PPP4R1: variants seen among roughly 807,000 people sequenced by gnomAD.
PPP4R1 encodes protein phosphatase 4 regulatory subunit 1.
Under a neutral mutation model 111.2 loss-of-function variants are expected in PPP4R1, and 42 were observed. The observed-to-expected ratio is 0.38, with a 90% confidence interval of 0.29 to 0.49. The LOEUF is 0.49. Among genes scored for constraint, PPP4R1 ranks in the 20% least tolerant of loss-of-function variants. PPP4R1 has a pLI of 0.97. For synonymous variants in PPP4R1, 409 were observed against 405.5 expected, an observed-to-expected ratio of 1.01 and a Z score of -0.10; for missense variants, 1,012 against 1,161.6, an observed-to-expected ratio of 0.87 and a Z score of 1.87.
At chr18:9,564,707 T>TGTGTGG (rs1425658968) in intron 11 of PPP4R1, among the ~76,000 whole-genome samples, 1 of 49,884 alleles carries the variant, frequency 2.0e-5, no homozygotes, top group Non-Finnish European at 4.5e-5. Flanking sequence ...GGTGTGTGTG[T>TGTGTGG]GTGTGTGTGT....
intron 13 of PPP4R1, 81 bp downstream of exon 13, chr18:9,561,899 G>C: frequency 8.8e-7 from 1 of 1,135,694 alleles, no homozygotes; most frequent in Admixed American, 1.8e-5. Context: ...TCATAAAGAA[G>C]GGGCAAATTA....
At chr18:9,590,218 T>C (rs1568117087) in intron 4 of PPP4R1, 1 of 152,214 alleles carries the variant, frequency 6.6e-6, no homozygotes, top group East Asian at 1.9e-4. Flanking sequence ...TCTACTAGGA[T>C]TTCAGATATC....
At chr18:9,560,007 A>G (rs2066647364) in intron 13 of PPP4R1, among the ~76,000 whole-genome samples, 1 of 152,176 alleles carries the variant, frequency 6.6e-6, no homozygotes, top group South Asian at 2.1e-4. Context: ...AAAAAAACAA[A>G]AACCAGCCAG....
intron 2 of PPP4R1, among the ~76,000 whole-genome samples, chr18:9,611,270 G>A (rs1395591439): frequency 6.6e-6 from 1 of 152,126 alleles, no homozygotes; most frequent in African/African-American, 2.4e-5. Flanking sequence ...CAACTACTCT[G>A]GAGGTTGGGC....
intron 14 of PPP4R1, among the ~76,000 whole-genome samples, chr18:9,558,957 C>T (rs1052982665): frequency 6.6e-6 from 1 of 152,126 alleles, no homozygotes; most frequent in Non-Finnish European, 1.5e-5. Flanking sequence ...CGGAACTTCT[C>T]CTGTCTGTAC....
intron 6 of PPP4R1, chr18:9,587,607 T>C (rs1295561592): frequency 2.0e-5 from 3 of 152,468 alleles, no homozygotes; most frequent in Admixed American, 6.5e-5. Flanking sequence ...GGTTTTGCCA[T>C]GTTGGCCAGG....
chr18:9,557,356 G>C lies in PPP4R1; in HGVS notation c.2055C>G (p.Phe685Leu). 4 of 1,603,468 alleles carry C rather than the reference G, an allele frequency of 2.5e-6. No individual in the cohort carries two copies. Among genetic ancestry groups the C allele is most frequent in the Non-Finnish European group, 3.4e-6 (4 of 1,177,476 alleles). The part of the protein sequence containing the change: ...MQWKVRRTLA[F>L]SIHELAVILG... The stretch of plus-strand genomic sequence containing the variant: ...GAATAACTGCAAGCTCGTGGATGGA[G>C]AATGCTAGAGTTCGTCGAACTTTCC... The change falls in exon 15 of 20, where the codon TTC becomes TTG. Residue 685 changes from phenylalanine (F) to leucine (L), a missense_variant. Physicochemically the swap from Phe to Leu is conservative, Grantham distance 22 (BLOSUM62 0). Around this residue, in one of 2 missense-constraint regions of PPP4R1, gnomAD observed 305 missense variants for 419.5 expected, o/e 0.73. Transcript: ENST00000400556.
chr18:9,588,269 T>C (rs1443491925), intron 5 of PPP4R1, 34 bp from the exon 6 acceptor site: 4 of 1,592,814 alleles, frequency 2.5e-6, no homozygotes, highest in East Asian at 2.2e-5. Context: ...AGAAAGTACA[T>C]ATGCAACATG....
chr18:9,566,867 T>C (rs1267308066), intron 11 of PPP4R1, among the ~76,000 whole-genome samples: 1 of 152,106 alleles, frequency 6.6e-6, no homozygotes, highest in Non-Finnish European at 1.5e-5. Flanking sequence ...CTTAGAAAAA[T>C]ATTCCTTTCA....
At chr18:9,602,124 C>T (rs996317818) in intron 2 of PPP4R1, among the ~76,000 whole-genome samples, 1 of 152,154 alleles carries the variant, frequency 6.6e-6, no homozygotes, top group African/African-American at 2.4e-5. Flanking sequence ...GAAGTATCCT[C>T]TCTCTATACT....
chr18:9,563,233 A>T, intron 12 of PPP4R1, 145 bp downstream of exon 12: 1 of 1,248,192 alleles, frequency 8.0e-7, no homozygotes, highest in South Asian at 1.6e-5. Context: ...TGATGAAAAC[A>T]ATTACTTTAT....
chr18:9,591,341 C>T (rs1488785801), intron 4 of PPP4R1, among the ~76,000 whole-genome samples: 15 of 140,846 alleles, frequency 1.1e-4, no homozygotes, highest in Admixed American at 3.5e-4. Flanking sequence ...AGTGAGACTC[C>T]ATCTCCAAAA....
chr18:9,584,354 C>T (rs2067080447), intron 8 of PPP4R1, among the ~76,000 whole-genome samples, 161 bp downstream of exon 8: 1 of 152,058 alleles, frequency 6.6e-6, no homozygotes, highest in African/African-American at 2.4e-5. Context: ...AATTCAAATG[C>T]CCAGATTACA....
In PPP4R1 at chr18:9,550,499, C is replaced by T. The variant is rs946082204; in HGVS notation, c.2292-101G>A. The T allele has an allele frequency of 3.7e-6, 5 of 1,343,952 alleles. No homozygotes were observed. In the Admixed American group the frequency reaches 1.1e-4, roughly 29 times the overall value. 83.3% of individuals were successfully genotyped at this position (1,343,952 alleles called of 1,614,324 possible). A position where few individuals can be genotyped will look rare whatever the true frequency, so the allele number is the denominator to read the frequency against. Reference sequence around the variant, plus strand: ...ATCTGTAATACTGGATTACTGAGCACCTGTCTCAAACATACGCAAAGAGGA... The same window carrying T: ...ATCTGTAATACTGGATTACTGAGCATCTGTCTCAAACATACGCAAAGAGGA... On this transcript the variant is annotated intron_variant, in intron 16 of 19. Transcript: ENST00000400556.
intron 6 of PPP4R1, among the ~76,000 whole-genome samples, chr18:9,585,775 ATCAC>A (rs925007408): frequency 1.6e-4 from 25 of 152,224 alleles, no homozygotes; most frequent in African/African-American, 4.3e-4. Flanking sequence ...TAAGAACAGT[ATCAC>A]TCACAGAAGT....
At chr18:9,598,922 G>C (rs1223036804) in intron 2 of PPP4R1, among the ~76,000 whole-genome samples, 1 of 151,922 alleles carries the variant, frequency 6.6e-6, no homozygotes, top group East Asian at 1.9e-4. Flanking sequence ...GCTACTTAAG[G>C]GGCTGAGGCA....
In PPP4R1 at chr18:9,614,329, C is replaced by CCCCCCCCGCCCGCCT. The variant is rs1271138618; in HGVS notation, c.8-74_8-60dup. On this transcript the variant is annotated intron_variant, in intron 1 of 19. Transcript: ENST00000400556. This position sits in a 1 kb window ranked among gnomAD's most constrained non-coding sequence, Gnocchi z 4.1. ...GCGCCCCGGGGCCCGGCGCGACGCCCCCCCCCCGCCCGCCTCCCCCCCGCC... is the reference window on the plus strand; with the variant it reads ...GCGCCCCGGGGCCCGGCGCGACGCCCCCCCCCCGCCCGCCTCCCCCCCGCCCGCCTCCCCCCCGCC... 64 of 1,106,636 alleles carry CCCCCCCCGCCCGCCT rather than the reference C, an allele frequency of 5.8e-5. No homozygotes were observed. Among genetic ancestry groups the CCCCCCCCGCCCGCCT allele is most frequent in the Middle Eastern group, 4.0e-4 (1 of 2,528 alleles). The allele number at this position is 1,106,636 out of a possible 1,614,324, so 68.6% of individuals were successfully genotyped here.
At chr18:9,571,897 T>C (rs891961815) in intron 10 of PPP4R1, among the ~76,000 whole-genome samples, 6 of 152,232 alleles carry the variant, frequency 3.9e-5, no homozygotes, top group African/African-American at 1.2e-4. Flanking sequence ...AATAGATCTG[T>C]TGTTTTAGAA....
rs868769993 is a variant in PPP4R1 at position 9,614,513 on chromosome 18, C to G, written c.-29G>C. The G allele has an allele frequency of 5.1e-4, 520 of 1,018,360 alleles. 2 individuals are homozygous for G. The Middle Eastern group carries it at 0.014, about 27-fold the overall frequency. 63.1% of individuals were successfully genotyped at this position (1,018,360 alleles called of 1,614,324 possible). On this transcript the variant is annotated 5_prime_UTR_variant, in exon 1 of 20. Coordinates refer to ENST00000400556, the MANE Select transcript of PPP4R1 (RefSeq NM_001042388.3). The surrounding 1 kb of genome is among the most constrained non-coding windows in gnomAD (Gnocchi z 4.1). ...GTGGTCGCCCCCTCCTCCGCGGCCG[C>G]CCGGGGAGCCGGGGCTACATGGAGC...
Sources: allele counts gnomAD v4.1 joint callset (sites outside exome capture counted in the v4.1 genomes callset), GRCh38; gene constraint gnomAD v4.1.1; regional missense constraint gnomAD v4.1.1; non-coding constraint Gnocchi (gnomAD v3.1); transcripts MANE v1.5; gene names NCBI Gene and HGNC (gene_info 2026-07-23, HGNC 2026-07-21).